IFT81: variants seen among roughly 807,000 people sequenced by gnomAD.
The protein encoded by IFT81 is intraflagellar transport protein 81 homolog.
IFT81 carries 72 observed loss-of-function variants against 102.6 expected under a neutral mutation model. The ratio of observed to expected loss-of-function variants is 0.70; its 90% CI spans 0.58 to 0.85. The LOEUF is 0.85. IFT81 is among the 40% of genes least tolerant of loss of function. The probability of loss-of-function intolerance (pLI) is 0.00; values close to 1 mark genes in which losing one functional copy is unlikely to be tolerated. For synonymous variants in IFT81, 237 were observed against 242.7 expected, an observed-to-expected ratio of 0.98 and a Z score of 0.22; for missense variants, 723 against 787.3, an observed-to-expected ratio of 0.92 and a Z score of 0.98.
chr12:110,189,645 G>C (rs1897700766), intron 12 of IFT81, among the ~76,000 whole-genome samples: 1 of 152,094 alleles, frequency 6.6e-6, no homozygotes, highest in African/African-American at 2.4e-5. Context: ...CACCACACCT[G>C]GCCTAATTCC....
At chr12:110,173,250 C>CG (rs1333859277) in intron 11 of IFT81, among the ~76,000 whole-genome samples, 1 of 147,426 alleles carries the variant, frequency 6.8e-6, no homozygotes, top group African/African-American at 2.5e-5. Context: ...CCGCCCCGTC[C>CG]GGGAGGTGAG....
chr12:110,196,966 T>A (rs1898027987), intron 14 of IFT81, among the ~76,000 whole-genome samples: 1 of 152,122 alleles, frequency 6.6e-6, no homozygotes. Context: ...TTTGGGAGGC[T>A]GAGTTAGGAG....
chr12:110,209,261 G>C (rs1869093038), intron 18 of IFT81, 45 bp downstream of exon 18: 3 of 976,284 alleles, frequency 3.1e-6, no homozygotes, highest in Non-Finnish European at 4.8e-6. Flanking sequence ...AACTGATTCA[G>C]GCTTTCAGTA....
chr12:110,156,815 G>C (rs1170563363), intron 10 of IFT81, among the ~76,000 whole-genome samples: 1 of 152,048 alleles, frequency 6.6e-6, no homozygotes, highest in Non-Finnish European at 1.5e-5. Flanking sequence ...ACTTTTGAAG[G>C]ACAGTTTTGC....
At chr12:110,144,095 CT>C (rs1436835181) in intron 9 of IFT81, among the ~76,000 whole-genome samples, 2 of 150,802 alleles carry the variant, frequency 1.3e-5, no homozygotes, top group African/African-American at 4.9e-5. Context: ...TCACTGCAAC[CT>C]CTGCCTCCTG....
intron 10 of IFT81, among the ~76,000 whole-genome samples, chr12:110,149,862 C>T (rs577312195): frequency 5.9e-5 from 9 of 152,106 alleles, no homozygotes; most frequent in South Asian, 4.2e-4. Context: ...GCTAGGGTCC[C>T]GGGGGTTTTT....
intron 18 of IFT81, among the ~76,000 whole-genome samples, chr12:110,210,326 AT>A (rs1250324883): frequency 2.0e-5 from 3 of 152,298 alleles, no homozygotes; most frequent in African/African-American, 7.2e-5. Context: ...ACCTAGATTG[AT>A]TTAGATGAGT....
chr12:110,213,957 C>T (rs1194550141), intron 18 of IFT81, among the ~76,000 whole-genome samples: 1 of 152,008 alleles, frequency 6.6e-6, no homozygotes, highest in Admixed American at 6.6e-5. Context: ...TTTTCTGTCT[C>T]AAACCTGAAA....
chr12:110,204,059 G>A (rs901878822), intron 15 of IFT81, 109 bp downstream of exon 15: 6 of 685,516 alleles, frequency 8.8e-6, no homozygotes, highest in Non-Finnish European at 1.3e-5. Context: ...GAGCCTAGGA[G>A]TTTGAGGCTA....
At chr12:110,163,568 G>A (rs1430922347) in intron 11 of IFT81, among the ~76,000 whole-genome samples, 1 of 150,708 alleles carries the variant, frequency 6.6e-6, no homozygotes. Flanking sequence ...ATGTAAAATG[G>A]CAGATATGTT....
chr12:110,196,510 A>C lies in IFT81; in HGVS notation c.1557+3804A>C, dbSNP rs111982647. Among the ~76,000 whole-genome samples, 387 of 152,220 alleles carry C rather than the reference A, an allele frequency of 2.5e-3. 2 individuals carry two copies. Among genetic ancestry groups the C allele is most frequent in the African/African-American group, 8.4e-3 (348 of 41,524 alleles). ...GCTCCATCCTGGGTGACAGAGCGAG[A>C]CTCCGTCTCAAAAAAAGAGAAAACA... On this transcript the variant is annotated intron_variant, in intron 14 of 18. Transcript: ENST00000242591.
chr12:110,171,676 G>A (rs1481999517), intron 11 of IFT81, among the ~76,000 whole-genome samples: 1 of 152,164 alleles, frequency 6.6e-6, no homozygotes, highest in Non-Finnish European at 1.5e-5. Flanking sequence ...TGTCATTTTA[G>A]CAAATAACAA....
At chr12:110,127,905 T>A (rs1237231521) in intron 2 of IFT81, 141 bp from the exon 3 acceptor site, 1 of 624,688 alleles carries the variant, frequency 1.6e-6, no homozygotes, top group Non-Finnish European at 2.8e-6. Flanking sequence ...ACTTGGAATC[T>A]GGGGGCCTCC....
At chr12:110,209,308 G>A in intron 18 of IFT81, 92 bp downstream of exon 18, 3 of 502,670 alleles carry the variant, frequency 6.0e-6, no homozygotes, top group African/African-American at 2.0e-5. Context: ...TTTTCAAAAG[G>A]TCATAGTACA....
At chr12:110,135,284 T>C (rs1894417145) in intron 6 of IFT81, 43 bp from the exon 7 acceptor site, 2 of 1,331,668 alleles carry the variant, frequency 1.5e-6, no homozygotes, top group African/African-American at 3.0e-5. Context: ...ATTTTTTTCT[T>C]CAAACCTGAC....
chr12:110,171,608 A>G (rs1038120956), intron 11 of IFT81, among the ~76,000 whole-genome samples: 2 of 152,196 alleles, frequency 1.3e-5, no homozygotes, highest in African/African-American at 4.8e-5. Flanking sequence ...AAAAGGTTAG[A>G]ATAGTATTTT....
intron 10 of IFT81, among the ~76,000 whole-genome samples, chr12:110,160,203 A>G (rs1896064003): frequency 6.6e-6 from 1 of 152,242 alleles, no homozygotes; most frequent in African/African-American, 2.4e-5. Context: ...AAGGGAATTT[A>G]TTAAGGAGAA....
intron 4 of IFT81, 148 bp downstream of exon 4, chr12:110,129,278 GC>G: frequency 1.7e-6 from 1 of 575,016 alleles, no homozygotes; most frequent in Non-Finnish European, 2.9e-6. Flanking sequence ...TTCAACTATG[GC>G]CACATCTCAA....
chr12:110,167,451 G>T (rs1207762775), intron 11 of IFT81, among the ~76,000 whole-genome samples: 10 of 152,148 alleles, frequency 6.6e-5, no homozygotes, highest in Admixed American at 5.9e-4. Flanking sequence ...TTTGAAAGAT[G>T]ATAGAAACTA....
Sources: gnomAD v4.1 joint callset for allele counts (sites outside exome capture counted in the v4.1 genomes callset) on GRCh38, gnomAD v4.1.1 for gene constraint, MANE v1.5 for transcripts, NCBI Gene and HGNC (gene_info 2026-07-23, HGNC 2026-07-21) for gene names.